DAB1: variants seen among roughly 807,000 people sequenced by gnomAD.
DAB1 encodes DAB adaptor protein 1.
DAB1 carries 15 observed loss-of-function variants against 64.6 expected under a neutral mutation model. The ratio of observed to expected loss-of-function variants is 0.23; its 90% CI spans 0.16 to 0.36. The LOEUF (loss-of-function observed/expected upper bound fraction) is 0.36, where lower values mean the gene tolerates loss of function less well. DAB1 is among the 10% of genes least tolerant of loss of function. DAB1 has a pLI of 1.00. For synonymous variants in DAB1, 235 were observed against 251.9 expected, an observed-to-expected ratio of 0.93 and a Z score of 0.64; for missense variants, 596 against 706.7, an observed-to-expected ratio of 0.84 and a Z score of 1.78.
chr1:57,796,689 A>T (rs1650889735), intron 6 of DAB1, among the ~76,000 whole-genome samples: 1 of 152,162 alleles, frequency 6.6e-6, no homozygotes. Context: ...GAGCTGAGTC[A>T]TTGGGTGTAG....
intron 1 of DAB1, among the ~76,000 whole-genome samples, chr1:58,541,767 G>A (rs1243917512): frequency 6.6e-6 from 1 of 151,556 alleles, no homozygotes; most frequent in Non-Finnish European, 1.5e-5. Flanking sequence ...TTTTATTCCT[G>A]AGATACTTGC....
chr1:57,910,524 T>C (rs900359567), intron 5 of DAB1, among the ~76,000 whole-genome samples: 1 of 152,216 alleles, frequency 6.6e-6, no homozygotes, highest in Admixed American at 6.5e-5. Context: ...AACTGTGTGC[T>C]GCATGTAAGT....
At chr1:58,089,296 T>C (rs1650499825) in intron 5 of DAB1, among the ~76,000 whole-genome samples, 1 of 152,278 alleles carries the variant, frequency 6.6e-6, no homozygotes. Context: ...CTTGCGGCAT[T>C]GTTGCAAGGG....
intron 9 of DAB1, among the ~76,000 whole-genome samples, chr1:57,038,760 T>C (rs1261836462): frequency 2.0e-5 from 3 of 152,204 alleles, no homozygotes; most frequent in Admixed American, 1.3e-4. Context: ...ACAAAATATT[T>C]ACATCCAGAT....
chr1:58,023,511 A>T (rs1345391019), intron 5 of DAB1, among the ~76,000 whole-genome samples: 3 of 152,160 alleles, frequency 2.0e-5, no homozygotes, highest in Non-Finnish European at 4.4e-5. Context: ...ATACGCAGAC[A>T]GAGTTGGGAA....
chr1:58,179,810 T>G (rs1238265422), intron 4 of DAB1, among the ~76,000 whole-genome samples: 2 of 152,212 alleles, frequency 1.3e-5, no homozygotes, highest in East Asian at 3.9e-4. Flanking sequence ...ACTTTTTTGT[T>G]TTTCTGTTTC....
At chr1:57,262,269 G>A (rs1297468481) in intron 2 of DAB1, among the ~76,000 whole-genome samples, 2 of 152,198 alleles carry the variant, frequency 1.3e-5, no homozygotes, top group African/African-American at 4.8e-5. Context: ...TTCTGTGGCA[G>A]AGGCCACATT....
chr1:57,407,195 G>A (rs1202571429), intron 1 of DAB1, among the ~76,000 whole-genome samples: 2 of 152,196 alleles, frequency 1.3e-5, no homozygotes, highest in East Asian at 3.9e-4. Context: ...CCCCGCGCCA[G>A]TAGGATTTGG....
intron 1 of DAB1, chr1:58,530,485 C>T (rs967503210): frequency 1.5e-5 from 9 of 617,970 alleles, no homozygotes; most frequent in Admixed American, 8.2e-5. Context: ...ACTAAAAATT[C>T]GTACCCATAT....
intron 6 of DAB1, among the ~76,000 whole-genome samples, chr1:57,786,113 C>T (rs992461159): frequency 2.0e-5 from 3 of 152,144 alleles, no homozygotes; most frequent in South Asian, 4.1e-4. Context: ...TGAACATTCA[C>T]GGTTTTTAGC....
intron 6 of DAB1, among the ~76,000 whole-genome samples, chr1:57,747,367 A>G (rs939309145): frequency 6.6e-6 from 1 of 152,172 alleles, no homozygotes; most frequent in Non-Finnish European, 1.5e-5. Flanking sequence ...AGGGGTACTT[A>G]GGACAAAGCT....
chr1:57,850,496 A>G (rs1489221363), intron 1 of DAB1, among the ~76,000 whole-genome samples: 1 of 151,296 alleles, frequency 6.6e-6, no homozygotes, highest in Non-Finnish European at 1.5e-5. Context: ...CATTTATTAT[A>G]TAACTTGATA....
At position 57,599,820 on chromosome 1, in the gene DAB1, C is replaced by T. The variant is rs1645555234; in HGVS notation, n.625+49772G>A. ...GTAGCCCTTTGTAATCTGCACTCTA[C>T]TCTCCCAGCCTCATTGCTCAGATAG... On this transcript the variant is annotated intron_variant and non_coding_transcript_variant, in intron 7 of 20. Coordinates refer to the DAB1 transcript ENST00000485760. 2.6e-5 allele frequency among the ~76,000 whole-genome samples: 4 copies of T among 152,282 alleles called. No individual in the cohort carries two copies. The South Asian group carries it at 8.3e-4, about 32-fold the overall frequency.
intron 5 of DAB1, among the ~76,000 whole-genome samples, chr1:58,085,333 T>G (rs1346948321): frequency 2.0e-5 from 3 of 152,174 alleles, no homozygotes; most frequent in African/African-American, 7.2e-5. Flanking sequence ...ATCTTGATAT[T>G]TTTATTTCTC....
At chr1:57,160,877 T>C (rs147893759) in intron 2 of DAB1, among the ~76,000 whole-genome samples, 241 of 152,258 alleles carry the variant, frequency 1.6e-3, no homozygotes, top group African/African-American at 4.9e-3. Context: ...GTTGATTAGA[T>C]GGGGCTGGGT....
rs566547170 is a variant in DAB1 at position 58,088,677 on chromosome 1, G to T, written n.387+61834C>A. Among the ~76,000 whole-genome samples the T allele has an allele frequency of 1.1e-4, 17 of 152,246 alleles. No individual in the cohort carries two copies. The South Asian group carries it at 3.5e-3, about 32-fold the overall frequency. Reference sequence around the variant, plus strand: ...AAGGCAGTAGGATGTTTACCTTTCTGTGTATTCACTCTATTCAATCAACAA... The same window carrying T: ...AAGGCAGTAGGATGTTTACCTTTCTTTGTATTCACTCTATTCAATCAACAA... On this transcript the variant is annotated intron_variant and non_coding_transcript_variant, in intron 5 of 20. Transcript: ENST00000485760.
At chr1:57,832,617 A>G (rs962662070) in intron 1 of DAB1, among the ~76,000 whole-genome samples, 1 of 152,216 alleles carries the variant, frequency 6.6e-6, no homozygotes. Flanking sequence ...CATGGTAAAA[A>G]TCAGGGCATG....
chr1:57,956,922 C>T (rs1645406007), intron 5 of DAB1, among the ~76,000 whole-genome samples: 1 of 152,184 alleles, frequency 6.6e-6, no homozygotes, highest in Non-Finnish European at 1.5e-5. Flanking sequence ...ACTGAAATTA[C>T]TCCCTCAGAA....
At chr1:57,148,164 T>C (rs1031770092) in intron 2 of DAB1, among the ~76,000 whole-genome samples, 2 of 152,158 alleles carry the variant, frequency 1.3e-5, no homozygotes, top group Non-Finnish European at 2.9e-5. Context: ...TAAAAAACTG[T>C]CTATGAGTCA....
Sources: allele counts gnomAD v4.1 joint callset (sites outside exome capture counted in the v4.1 genomes callset), GRCh38; gene constraint gnomAD v4.1.1; transcripts MANE v1.5; gene names NCBI Gene and HGNC (gene_info 2026-07-23, HGNC 2026-07-21).